YTHDC2: variants seen among roughly 807,000 people sequenced by gnomAD.
The protein encoded by YTHDC2 is 3'-5' RNA helicase YTHDC2.
In YTHDC2, 45 loss-of-function variants were observed where a neutral mutation model predicts 174.9. The observed-to-expected ratio is 0.26, with a 90% CI of 0.20 to 0.33. The LOEUF is 0.33. Ranked by LOEUF, YTHDC2 falls within the 10% of genes least tolerant of loss-of-function variation. The probability of loss-of-function intolerance (pLI) is 1.00; values close to 1 mark genes in which losing one functional copy is unlikely to be tolerated. For synonymous variants in YTHDC2, 657 were observed against 574.5 expected (o/e 1.14, Z -2.05); for missense variants, 1,650 against 1,723.7 (o/e 0.96, Z 0.76).
intron 26 of YTHDC2, among the ~76,000 whole-genome samples, chr5:113,590,840 C>G (rs527608308): frequency 6.6e-6 from 1 of 152,288 alleles, no homozygotes; most frequent in South Asian, 2.1e-4. Flanking sequence ...ATTTTGAATG[C>G]TCTGAAAATG....
chr5:113,513,715 T>C lies in YTHDC2; in HGVS notation c.-181T>C. The C allele has an allele frequency of 1.5e-6, 1 of 664,380 alleles. No individual in the cohort carries two copies. The highest frequency in any genetic ancestry group is 1.9e-5 in the African/African-American group (1 of 51,672). 41.2% of individuals were successfully genotyped at this position (664,380 alleles called of 1,614,324 possible). On this transcript the variant is annotated 5_prime_UTR_variant, in exon 1 of 30. Transcript: ENST00000161863. ...CCGCGCTCCTCGCCTGGCCGTGATA[T>C]CAATGGCGCAGGCTTCACTTCTGCT... is the stretch of plus-strand genomic sequence containing the variant.
At chr5:113,536,170 C>G (rs1775055638) in intron 7 of YTHDC2, among the ~76,000 whole-genome samples, 1 of 152,184 alleles carries the variant, frequency 6.6e-6, no homozygotes, top group Non-Finnish European at 1.5e-5. Context: ...TTGCCCTTGT[C>G]CTTTATTAAA....
chr5:113,541,272 A>G (rs1275338799), intron 9 of YTHDC2, among the ~76,000 whole-genome samples, 156 bp downstream of exon 9: 1 of 151,584 alleles, frequency 6.6e-6, no homozygotes, highest in African/African-American at 2.4e-5. Flanking sequence ...GCTCACTGCA[A>G]GCTCCGCGTT....
intron 19 of YTHDC2, 127 bp downstream of exon 19, chr5:113,563,619 A>C: frequency 8.9e-7 from 1 of 1,124,104 alleles, no homozygotes; most frequent in Admixed American, 2.9e-5. Context: ...TGTCCAGATA[A>C]ACTAATTTTG....
In YTHDC2 at chr5:113,526,744, GT is replaced by G; in HGVS notation, c.638del (p.Leu213Ter). 1.3e-6 allele frequency: 2 copies of G among 1,539,410 alleles called. No individual in the cohort carries two copies. The highest frequency in any genetic ancestry group is 1.9e-5 in the Admixed American group (1 of 53,684). On this transcript the variant is annotated frameshift_variant, in exon 4 of 30. Coordinates refer to ENST00000161863, the MANE Select transcript of YTHDC2 (RefSeq NM_022828.5). LOFTEE classifies it high-confidence loss of function. Reference protein sequence around the residue: ...IVKIIKENKVVLIVGETGSGK... With the variant: ...IVKIIKENKVXLIVGETGSGK... ...TAAAATAATTAAGGAAAATAAAGTAGTTTTGATTGTAGGAGAAACTGGGTCT... is the reference window on the plus strand; with the variant it reads ...TAAAATAATTAAGGAAAATAAAGTAGTTTGATTGTAGGAGAAACTGGGTCT...
At chr5:113,560,290 T>C (rs1776872512) in intron 17 of YTHDC2, among the ~76,000 whole-genome samples, 1 of 152,218 alleles carries the variant, frequency 6.6e-6, no homozygotes, top group Non-Finnish European at 1.5e-5. Flanking sequence ...CTCAGTTCTT[T>C]AGGGAGGACT....
chr5:113,573,492 T>C (rs1777858783), intron 23 of YTHDC2, among the ~76,000 whole-genome samples: 1 of 152,178 alleles, frequency 6.6e-6, no homozygotes, highest in African/African-American at 2.4e-5. Flanking sequence ...GTTCTCTGGA[T>C]TTCCTGAATT....
At chr5:113,551,276 T>C (rs1475383720) in intron 12 of YTHDC2, among the ~76,000 whole-genome samples, 1 of 152,082 alleles carries the variant, frequency 6.6e-6, no homozygotes, top group Non-Finnish European at 1.5e-5. Context: ...TAAGTAAAGC[T>C]CACTAGATAC....
Position 113,542,417 on chromosome 5 carries a change from A to G in YTHDC2, c.1409A>G (p.Asp470Gly), listed in dbSNP as rs765587082. 6.2e-7 allele frequency: 1 copy of G among 1,613,002 alleles called. No individual in the cohort carries two copies. Among genetic ancestry groups the G allele is most frequent in the South Asian group, 1.1e-5 (1 of 90,700 alleles). The change falls in exon 10 of 30, where the codon GAT (aspartate) becomes GGT (glycine). Residue 470 changes from aspartate (D) to glycine (G), a missense_variant. Coordinates refer to ENST00000161863, the MANE Select transcript of YTHDC2 (RefSeq NM_022828.5). ...GAACCATGGTTAATAAAGGAAATGG[A>G]TGCTTGCCTTTCTGATATATGGCTA... is the stretch of plus-strand genomic sequence containing the variant. Reference protein sequence around the residue: ...CLEPWLIKEMDACLSDIWLHK... With the variant: ...CLEPWLIKEMGACLSDIWLHK...
At chr5:113,570,763 G>C (rs1777661612) in intron 23 of YTHDC2, among the ~76,000 whole-genome samples, 1 of 152,064 alleles carries the variant, frequency 6.6e-6, no homozygotes, top group South Asian at 2.1e-4. Flanking sequence ...CAATTCTGCT[G>C]CCTCAGCCTC....
chr5:113,545,528 T>G (rs1358864221), intron 10 of YTHDC2, among the ~76,000 whole-genome samples: 1 of 88,330 alleles, frequency 1.1e-5, no homozygotes, highest in Non-Finnish European at 2.9e-5. Context: ...TTTAGATACT[T>G]CTAATATGCC....
At chr5:113,537,175 A>T (rs1229730011) in intron 7 of YTHDC2, among the ~76,000 whole-genome samples, 1 of 152,156 alleles carries the variant, frequency 6.6e-6, no homozygotes. Flanking sequence ...TTTTAATTTT[A>T]ACAGCTTTTG....
At chr5:113,540,228 A>G (rs1197694918) in intron 8 of YTHDC2, among the ~76,000 whole-genome samples, 1 of 152,230 alleles carries the variant, frequency 6.6e-6, no homozygotes, top group African/African-American at 2.4e-5. Flanking sequence ...TATCTCAGAA[A>G]ACTAGCGTGG....
intron 10 of YTHDC2, among the ~76,000 whole-genome samples, chr5:113,546,564 A>G (rs1406878301): frequency 6.6e-6 from 1 of 152,214 alleles, no homozygotes; most frequent in Non-Finnish European, 1.5e-5. Flanking sequence ...CCCCATGATC[A>G]TGTAGAAGCA....
Position 113,568,477 on chromosome 5 carries a change from C to T in YTHDC2, c.3244+628C>T, listed in dbSNP as rs1036655403. ...ACAGATCATGACATCATGTATCTAT[C>T]AAGCCCAGTGTCCATTAGCTATTCT... is the stretch of plus-strand genomic sequence containing the variant. On this transcript the variant is annotated intron_variant, in intron 23 of 29. Transcript: ENST00000161863. 6.6e-5 allele frequency among the ~76,000 whole-genome samples: 10 copies of T among 151,746 alleles called. 1 individual carries two copies. The highest frequency in any genetic ancestry group is 4.1e-4 in the South Asian group (2 of 4,820).
Position 113,567,791 on chromosome 5 carries a change from A to G in YTHDC2, c.3186A>G (p.Val1062=). 6.2e-7 allele frequency: 1 copy of G among 1,603,218 alleles called. No homozygotes were observed. The highest frequency in any genetic ancestry group is 8.5e-7 in the Non-Finnish European group (1 of 1,174,522). The change falls in exon 23 of 30, where the codon GTA becomes GTG. Residue 1062 remains valine, a synonymous_variant. Coordinates refer to ENST00000161863, the MANE Select transcript of YTHDC2 (RefSeq NM_022828.5). ...CSAVTPVTIL[V]FCGPARLASN... ...CAGTGACGCCTGTCACTATATTGGTATTCTGTGGACCAGCTAGATTGGCAA... is the reference window on the plus strand; with the variant it reads ...CAGTGACGCCTGTCACTATATTGGTGTTCTGTGGACCAGCTAGATTGGCAA...
At chr5:113,526,889 T>C (rs899240035) in intron 4 of YTHDC2, 104 bp downstream of exon 4, 2 of 285,532 alleles carry the variant, frequency 7.0e-6, no homozygotes, top group Admixed American at 5.6e-5. Flanking sequence ...ACACTGCATA[T>C]GTTTAAAAAA....
chr5:113,576,935 T>C (rs564155932), intron 23 of YTHDC2, among the ~76,000 whole-genome samples: 185 of 152,290 alleles, frequency 1.2e-3, no homozygotes, highest in African/African-American at 4.3e-3. Context: ...CATCCCTCCA[T>C]TGATGTGATA....
chr5:113,528,073 A>G (rs971376730), intron 4 of YTHDC2, among the ~76,000 whole-genome samples: 2 of 152,196 alleles, frequency 1.3e-5, no homozygotes, highest in African/African-American at 4.8e-5. Context: ...TTAAGTATTA[A>G]TTGTAGCAGT....
Sources: allele counts gnomAD v4.1 joint callset (sites outside exome capture counted in the v4.1 genomes callset), GRCh38; gene constraint gnomAD v4.1.1; transcripts MANE v1.5; gene names NCBI Gene and HGNC (gene_info 2026-07-23, HGNC 2026-07-21).